Variants in SAMMSON observed in about 807,000 individuals in gnomAD.
SAMMSON encodes the protein long intergenic non-protein coding RNA 1212.
chr3:70,280,059 T>A (rs1195937705), intron 6 of SAMMSON, among the ~76,000 whole-genome samples: 1 of 152,190 alleles, frequency 6.6e-6, no homozygotes, highest in East Asian at 1.9e-4. Context: ...AAAATCAAGG[T>A]GTCAGCAAGG....
At chr3:70,091,702 G>T (rs1308373205) in intron 4 of SAMMSON, among the ~76,000 whole-genome samples, 1 of 152,106 alleles carries the variant, frequency 6.6e-6, no homozygotes, top group Non-Finnish European at 1.5e-5. Context: ...GGAGTGACAG[G>T]CAAATATTTG....
chr3:70,382,187 A>G (rs1451356640), intron 9 of SAMMSON, among the ~76,000 whole-genome samples: 2 of 152,166 alleles, frequency 1.3e-5, no homozygotes, highest in African/African-American at 2.4e-5. Context: ...GCACTTTAGT[A>G]TGTGTCTGCA....
intron 4 of SAMMSON, among the ~76,000 whole-genome samples, chr3:70,177,671 C>T (rs1243810973): frequency 2.0e-5 from 3 of 152,144 alleles, no homozygotes; most frequent in Non-Finnish European, 4.4e-5. Context: ...ATGCTAATTG[C>T]TTTACATGCA....
chr3:70,288,445 C>G (rs2106689701), intron 6 of SAMMSON, among the ~76,000 whole-genome samples: 1 of 150,984 alleles, frequency 6.6e-6, no homozygotes, highest in South Asian at 2.2e-4. Flanking sequence ...AATTTCTGTT[C>G]TTTTGCATTT....
chr3:70,167,314 A>G (rs768248644), intron 4 of SAMMSON, among the ~76,000 whole-genome samples: 7 of 152,026 alleles, frequency 4.6e-5, no homozygotes, highest in Non-Finnish European at 8.8e-5. Flanking sequence ...TCTACCTAGT[A>G]ATGGGTACAG....
intron 3 of SAMMSON, among the ~76,000 whole-genome samples, chr3:70,030,912 A>T (rs2067063309): frequency 6.6e-6 from 1 of 152,220 alleles, no homozygotes; most frequent in African/African-American, 2.4e-5. Context: ...GTTGGCAAAG[A>T]TACAGAGAAA....
chr3:70,317,650 A>G (rs535333491), intron 7 of SAMMSON, among the ~76,000 whole-genome samples: 1 of 151,678 alleles, frequency 6.6e-6, no homozygotes, highest in South Asian at 2.1e-4. Context: ...ACACGCGTGT[A>G]TAGAAACACA....
chr3:70,381,995 C>T (rs1170787511), intron 9 of SAMMSON, among the ~76,000 whole-genome samples: 1 of 152,010 alleles, frequency 6.6e-6, no homozygotes, highest in Non-Finnish European at 1.5e-5. Context: ...GTGTAATACT[C>T]ATATTGTGAT....
chr3:70,027,978 C>T (rs1425847758), intron 3 of SAMMSON, among the ~76,000 whole-genome samples: 3 of 152,144 alleles, frequency 2.0e-5, no homozygotes, highest in African/African-American at 7.2e-5. Context: ...ACACACAATT[C>T]AGCAGTATTA....
intron 6 of SAMMSON, among the ~76,000 whole-genome samples, chr3:70,281,572 CA>C: frequency 6.6e-6 from 1 of 152,068 alleles, no homozygotes. Context: ...AAGCTCAAAA[CA>C]AACAAACAAA....
intron 2 of SAMMSON, among the ~76,000 whole-genome samples, chr3:70,422,152 A>G (rs1438446039): frequency 3.3e-5 from 5 of 152,068 alleles, no homozygotes; most frequent in South Asian, 4.1e-4. Flanking sequence ...TACATATTTA[A>G]TAAGAGGTGT....
chr3:70,050,590 T>C (rs1000689545), intron 3 of SAMMSON, among the ~76,000 whole-genome samples: 2 of 152,082 alleles, frequency 1.3e-5, no homozygotes, highest in Non-Finnish European at 2.9e-5. Flanking sequence ...TTAGAAGAAG[T>C]TAAAGGTTAG....
At chr3:70,342,681 C>T (rs1218733873) in intron 7 of SAMMSON, among the ~76,000 whole-genome samples, 1 of 152,136 alleles carries the variant, frequency 6.6e-6, no homozygotes, top group Non-Finnish European at 1.5e-5. Flanking sequence ...CCCTTTATTT[C>T]CAGAAACATC....
chr3:70,016,192 T>G (rs2066984322), intron 3 of SAMMSON, among the ~76,000 whole-genome samples: 1 of 152,176 alleles, frequency 6.6e-6, no homozygotes, highest in African/African-American at 2.4e-5. Context: ...AGTGTAAAAG[T>G]GTTCCTATTT....
At chr3:70,036,941 C>T (rs1312918115) in intron 3 of SAMMSON, among the ~76,000 whole-genome samples, 1 of 151,942 alleles carries the variant, frequency 6.6e-6, no homozygotes, top group Non-Finnish European at 1.5e-5. Context: ...AATATGATTT[C>T]TTTATTTAGT....
At chr3:70,322,600 A>G (rs1444982986) in intron 7 of SAMMSON, among the ~76,000 whole-genome samples, 1 of 152,188 alleles carries the variant, frequency 6.6e-6, no homozygotes, top group African/African-American at 2.4e-5. Flanking sequence ...CTCATGGGTC[A>G]GTCTTAAAGC....
intron 7 of SAMMSON, among the ~76,000 whole-genome samples, chr3:70,343,203 A>T (rs1702724868): frequency 6.6e-6 from 1 of 152,196 alleles, no homozygotes; most frequent in Non-Finnish European, 1.5e-5. Context: ...TGGTATATTT[A>T]TCACAATTAA....
intron 9 of SAMMSON, among the ~76,000 whole-genome samples, chr3:70,386,809 T>A (rs968600263): frequency 1.3e-5 from 2 of 152,028 alleles, no homozygotes; most frequent in African/African-American, 4.8e-5. Flanking sequence ...TGGAAGAAAA[T>A]GTCCAAACGA....
At position 70,337,675 on chromosome 3, in the gene SAMMSON, C is replaced by T. The variant is rs546332108; in HGVS notation, n.740-16500C>T. ...CCTCCTCCTAGGGTATGGACTTATA[C>T]GCTAACTTAAATAATAATAGAGCAT... On this transcript the variant is annotated intron_variant and non_coding_transcript_variant, in intron 7 of 9. Transcript: ENST00000642114. Among the ~76,000 whole-genome samples the T allele has an allele frequency of 1.3e-3, 198 of 151,802 alleles. 1 individual carries two copies. The highest frequency in any genetic ancestry group is 1.2e-3 in the Non-Finnish European group (79 of 67,856).
Sources: allele counts gnomAD v4.1 joint callset (sites outside exome capture counted in the v4.1 genomes callset), GRCh38; gene constraint gnomAD v4.1.1; transcripts MANE v1.5; gene names NCBI Gene and HGNC (gene_info 2026-07-23, HGNC 2026-07-21).